The following CEP170 variants were observed in gnomAD, a reference collection of about 807,000 sequenced individuals.
CEP170 encodes centrosomal protein of 170 kDa.
In CEP170, 21 loss-of-function variants were observed where a neutral mutation model predicts 151.9. The ratio of observed to expected loss-of-function variants is 0.14; its 90% confidence interval spans 0.10 to 0.20. The LOEUF (loss-of-function observed/expected upper bound fraction) is 0.20. Ranked by LOEUF, CEP170 falls within the 10% of genes least tolerant of loss-of-function variation. The probability of loss-of-function intolerance (pLI) is 1.00; values close to 1 mark genes in which losing one functional copy is unlikely to be tolerated. For synonymous variants in CEP170, 356 were observed against 648.8 expected (o/e 0.55, Z 6.86); for missense variants, 964 against 1,892.9 (o/e 0.51, Z 9.11).
Position 243,126,037 on chromosome 1 carries a change from T to C in CEP170, c.*412A>G. On this transcript the variant is annotated 3_prime_UTR_variant, in exon 20 of 20. Coordinates refer to ENST00000366542, the MANE Select transcript of CEP170 (RefSeq NM_014812.3). ...CAAATAGAATGGTTTAACAAATCTG[T>C]ACAGATGAAGAAGTCCATTTCAGGG... is the stretch of plus-strand genomic sequence containing the variant. 3 of 450,506 alleles carry C rather than the reference T, an allele frequency of 6.7e-6. No individual in the cohort carries two copies. Among genetic ancestry groups the C allele is most frequent in the Non-Finnish European group, 1.3e-5 (3 of 225,982 alleles). 27.9% of individuals were successfully genotyped at this position (450,506 alleles called of 1,614,324 possible).
intron 1 of CEP170, among the ~76,000 whole-genome samples, chr1:243,250,445 C>T (rs1407478529): frequency 6.6e-6 from 1 of 152,196 alleles, no homozygotes; most frequent in Non-Finnish European, 1.5e-5. Context: ...TGTGTTTATA[C>T]ACAATGGGAG....
Position 243,174,116 on chromosome 1 carries a change from A to G in CEP170, c.1567-1270T>C, listed in dbSNP as rs140324870. ...AAGTTGTCAATGTCCAACACTTCTGAAAAGTTCTAAATACAAAGACAAACA... is the reference window on the plus strand; with the variant it reads ...AAGTTGTCAATGTCCAACACTTCTGGAAAGTTCTAAATACAAAGACAAACA... On this transcript the variant is annotated intron_variant, in intron 10 of 19. Transcript: ENST00000366542. Among the ~76,000 whole-genome samples the G allele has an allele frequency of 3.4e-3, 517 of 152,352 alleles. 1 individual carries two copies. Among genetic ancestry groups the G allele is most frequent in the African/African-American group, 0.012 (489 of 41,574 alleles).
At chr1:243,221,692 C>T (rs2062831059) in intron 3 of CEP170, 32 bp downstream of exon 3, 3 of 1,563,248 alleles carry the variant, frequency 1.9e-6, no homozygotes, top group Non-Finnish European at 1.7e-6. Flanking sequence ...AACAAATGTT[C>T]AAACAAGACA....
At chr1:243,171,113 A>T (rs1339018629) in intron 11 of CEP170, among the ~76,000 whole-genome samples, 1 of 152,238 alleles carries the variant, frequency 6.6e-6, no homozygotes, top group Non-Finnish European at 1.5e-5. Context: ...TAGAGAAGAA[A>T]GAAGAGAGTC....
chr1:243,173,721 G>A (rs1405881952), intron 10 of CEP170, among the ~76,000 whole-genome samples: 1 of 146,102 alleles, frequency 6.8e-6, no homozygotes, highest in African/African-American at 2.6e-5. Flanking sequence ...GGGCGAAAAA[G>A]TGAGACCCTG....
intron 1 of CEP170, among the ~76,000 whole-genome samples, chr1:243,230,719 G>A (rs1397891125): frequency 6.6e-6 from 1 of 152,008 alleles, no homozygotes; most frequent in East Asian, 1.9e-4. Context: ...AATATGAGAA[G>A]CAGAAAAACA....
In CEP170 at chr1:243,200,685, A is replaced by G. The variant is rs1199355922; in HGVS notation, c.334-5T>C. The G allele has an allele frequency of 6.4e-7, 1 of 1,564,686 alleles. No individual in the cohort carries two copies. Among genetic ancestry groups the G allele is most frequent in the African/African-American group, 1.4e-5 (1 of 73,022 alleles). On this transcript the variant is annotated splice_region_variant and splice_polypyrimidine_tract_variant and intron_variant, in intron 5 of 19. Coordinates refer to ENST00000366542, the MANE Select transcript of CEP170 (RefSeq NM_014812.3). ...CTGAATGGTAAACTTCTCATGCTAT[A>G]AAACATTTAAAAATGGAAGTGAAAC...
At chr1:243,126,865 T>C in intron 19 of CEP170, 127 bp from the exon 20 acceptor site, 1 of 693,542 alleles carries the variant, frequency 1.4e-6, no homozygotes, top group Non-Finnish European at 2.4e-6. Flanking sequence ...TCTTCCAATA[T>C]TATATTTAAA....
intron 10 of CEP170, among the ~76,000 whole-genome samples, chr1:243,173,138 G>T (rs546468628): frequency 6.6e-6 from 1 of 151,416 alleles, no homozygotes; most frequent in South Asian, 2.1e-4. Flanking sequence ...TCGGCTCACC[G>T]CAACCTCCGC....
intron 10 of CEP170, among the ~76,000 whole-genome samples, chr1:243,179,739 A>G (rs970112967): frequency 6.6e-6 from 1 of 152,228 alleles, no homozygotes; most frequent in African/African-American, 2.4e-5. Flanking sequence ...TTCACATTCA[A>G]AAGATATTTA....
intron 4 of CEP170, among the ~76,000 whole-genome samples, chr1:243,204,690 G>C (rs1415659009): frequency 6.6e-6 from 1 of 152,030 alleles, no homozygotes; most frequent in Non-Finnish European, 1.5e-5. Context: ...GAATGTACCA[G>C]GTGTCAGTCC....
At chr1:243,159,377 A>C (rs1431689480) in intron 13 of CEP170, among the ~76,000 whole-genome samples, 2 of 152,276 alleles carry the variant, frequency 1.3e-5, no homozygotes, top group East Asian at 3.9e-4. Flanking sequence ...GGACTGGGAA[A>C]GGGAGTTCAA....
Position 243,200,558 on chromosome 1 carries a change from G to C in CEP170, c.456C>G (p.His152Gln), listed in dbSNP as rs1246729432. The C allele has an allele frequency of 3.1e-6, 5 of 1,594,012 alleles. No individual in the cohort carries two copies. In the East Asian group the frequency reaches 1.1e-4, roughly 36 times the overall value. ...CGGATTTCAGTGCTTCAGTAGTTTTGTGCTGCACTTCAGTAGCAGCGTCTG... is the reference window on the plus strand; with the variant it reads ...CGGATTTCAGTGCTTCAGTAGTTTTCTGCTGCACTTCAGTAGCAGCGTCTG... ...KVADAATEVQ[H>Q]KTTEALKSEE... Residue 152 changes from histidine (H) to glutamine (Q), a missense_variant, in exon 6 of 20, where the codon CAC becomes CAG. His to Gln is a conservative substitution (Grantham distance 24). Coordinates refer to ENST00000366542, the MANE Select transcript of CEP170 (RefSeq NM_014812.3).
chr1:243,133,969 A>AT (rs1038885197), intron 17 of CEP170, among the ~76,000 whole-genome samples: 53 of 152,314 alleles, frequency 3.5e-4, no homozygotes, highest in Non-Finnish European at 6.0e-4. Context: ...AAGCCTTAAA[A>AT]TTTTTTAGTT....
chr1:243,172,674 A>C, intron 11 of CEP170, 23 bp downstream of exon 11: 2 of 1,537,906 alleles, frequency 1.3e-6, no homozygotes, highest in Non-Finnish European at 1.7e-6. Context: ...GCATTCAAAT[A>C]GGTACACAGA....
chr1:243,203,807 C>A (rs556625085), intron 4 of CEP170, among the ~76,000 whole-genome samples: 4 of 151,816 alleles, frequency 2.6e-5, no homozygotes, highest in African/African-American at 9.7e-5. Context: ...ATAAAACATA[C>A]AATTATGATA....
chr1:243,139,219 A>T (rs1187209037), intron 16 of CEP170, among the ~76,000 whole-genome samples: 4 of 151,658 alleles, frequency 2.6e-5, no homozygotes, highest in African/African-American at 9.7e-5. Context: ...CTCCTGCCTC[A>T]GCCTCCTGAG....
At chr1:243,205,840 A>AT (rs201049786) in intron 4 of CEP170, among the ~76,000 whole-genome samples, 3 of 152,042 alleles carry the variant, frequency 2.0e-5, no homozygotes, top group Admixed American at 1.3e-4. Flanking sequence ...AATAATGGAG[A>AT]TTTTTTCCAA....
At chr1:243,212,435 A>T (rs2061892367) in intron 3 of CEP170, among the ~76,000 whole-genome samples, 2 of 152,296 alleles carry the variant, frequency 1.3e-5, no homozygotes, top group Admixed American at 1.3e-4. Context: ...AATAAAACTC[A>T]ATTTATTTTG....
Sources: allele counts gnomAD v4.1 joint callset (sites outside exome capture counted in the v4.1 genomes callset), GRCh38; gene constraint gnomAD v4.1.1; transcripts MANE v1.5; gene names NCBI Gene and HGNC (gene_info 2026-07-23, HGNC 2026-07-21).